Variants in SLC44A2 observed in about 807,000 individuals in gnomAD.
SLC44A2 encodes the protein solute carrier family 44 member 2 (CTL2 blood group), also known as choline transporter-like protein 2.
SLC44A2 carries 57 observed loss-of-function variants against 90.8 expected under a neutral mutation model. That is an observed-to-expected ratio of 0.63 (90% CI 0.51 to 0.78). SLC44A2 has a LOEUF of 0.78. Among genes scored for constraint, SLC44A2 ranks in the 30% least tolerant of loss-of-function variants. SLC44A2 has a pLI of 0.00. For missense variants in SLC44A2, 794 were observed against 919.7 expected (o/e 0.86, Z 1.77); for synonymous variants, 355 against 360.7 (o/e 0.98, Z 0.18).
intron 2 of SLC44A2, among the ~76,000 whole-genome samples, chr19:10,627,455 C>T (rs1052512362): frequency 2.6e-5 from 4 of 151,952 alleles, no homozygotes; most frequent in African/African-American, 7.3e-5. Context: ...GCAGGAGGAT[C>T]ACTTGAGCCC....
intron 21 of SLC44A2, chr19:10,643,046 A>G: frequency 6.7e-7 from 1 of 1,491,010 alleles, no homozygotes; most frequent in Non-Finnish European, 8.9e-7. Flanking sequence ...CGTGGGGGCC[A>G]GGTTTCCTCC....
upstream of SLC44A2, among the ~76,000 whole-genome samples, chr19:10,624,806 C>T (rs1276362485): frequency 1.3e-5 from 2 of 152,162 alleles, no homozygotes; most frequent in Non-Finnish European, 2.9e-5. Context: ...TGCGGTGCCC[C>T]GCCCAAGGCC....
At chr19:10,628,775 G>A (rs915745336) in intron 4 of SLC44A2, among the ~76,000 whole-genome samples, 1 of 152,086 alleles carries the variant, frequency 6.6e-6, no homozygotes, top group Non-Finnish European at 1.5e-5. Context: ...CCTGAGTGGC[G>A]TCACTTCCTG....
chr19:10,643,147 C>G, intron 21 of SLC44A2, 132 bp from the exon 22 acceptor site: 2 of 1,357,972 alleles, frequency 1.5e-6, no homozygotes, highest in Non-Finnish European at 1.9e-6. Flanking sequence ...CAGTCTGCCC[C>G]TCTCTGGTCC....
At chr19:10,634,209 C>T (rs1424999507) in intron 10 of SLC44A2, among the ~76,000 whole-genome samples, 4 of 135,912 alleles carry the variant, frequency 2.9e-5, no homozygotes, top group Non-Finnish European at 6.1e-5. Flanking sequence ...AGGCTGGTCT[C>T]GAACTCCTGA....
rs1483714290 is a variant in SLC44A2, at chr19:10,631,368, G to T, written c.424G>T (p.Gly142Cys). Residue 142 changes from glycine to cysteine, a missense_variant, in exon 6 of 22, where the codon GGC becomes TGC. Gly to Cys is a radical substitution (Grantham distance 159). Around this residue, in one of 3 missense-constraint regions of SLC44A2, gnomAD observed 738 missense variants for 841.1 expected, o/e 0.88. Coordinates refer to ENST00000335757, the MANE Select transcript of SLC44A2 (RefSeq NM_020428.4). ...FEYYKQFCVP[G>C]FKNNKGVAEV... is the part of the protein sequence containing the mutation. ...GTACTATAAGCAGTTCTGTGTTCCT[G>T]GCTTCAAGAACAATAAAGTGAGTTG... 6.2e-7 allele frequency: 1 copy of T among 1,614,022 alleles called. No homozygotes were observed. The highest frequency in any genetic ancestry group is 8.5e-7 in the Non-Finnish European group (1 of 1,180,046).
chr19:10,628,067 C>T (rs1599244261), intron 4 of SLC44A2, 63 bp downstream of exon 4: 1 of 1,407,698 alleles, frequency 7.1e-7, no homozygotes, highest in Non-Finnish European at 9.9e-7. Flanking sequence ...TCTAGGCATT[C>T]CCCATCTCTC....
At position 10,627,764 on chromosome 19, in the gene SLC44A2, C is replaced by T; in HGVS notation, c.129C>T (p.Ala43=). Reference sequence around the variant, plus strand: ...TATGCTGTGTGTTCCTGCTCCTGGCCATTGTGGGCTACGTGGCTGTAGGCA... The same window carrying T: ...TATGCTGTGTGTTCCTGCTCCTGGCTATTGTGGGCTACGTGGCTGTAGGCA... ...DIICCVFLLL[A]IVGYVAVGII... Residue 43 remains alanine (A), a synonymous_variant, in exon 3 of 22, where the codon GCC becomes GCT. Coordinates refer to ENST00000335757, the MANE Select transcript of SLC44A2 (RefSeq NM_020428.4). 6.2e-7 allele frequency: 1 copy of T among 1,613,958 alleles called. No homozygotes were observed. The highest frequency in any genetic ancestry group is 1.1e-5 in the South Asian group (1 of 91,080).
At chr19:10,629,261 C>CTATTATTATTATTATTATTGT (rs2066967374) in intron 4 of SLC44A2, among the ~76,000 whole-genome samples, 4 of 144,378 alleles carry the variant, frequency 2.8e-5, no homozygotes, top group African/African-American at 1.0e-4. Flanking sequence ...AGTTTTTAAA[C>CTATTATTATTATTATTATTGT]TATTATTATT....
At chr19:10,609,615 A>T (rs893390282) in intron 1 of SLC44A2, among the ~76,000 whole-genome samples, 1 of 151,922 alleles carries the variant, frequency 6.6e-6, no homozygotes, top group Non-Finnish European at 1.5e-5. Context: ...TAATTTACAT[A>T]CTAAAAAAAC....
chr19:10,625,352 A>T, upstream of SLC44A2: 1 of 718,876 alleles, frequency 1.4e-6, no homozygotes, highest in Non-Finnish European at 1.9e-6. Flanking sequence ...GGGTGTTCCC[A>T]GGGTGAAGCC....
intron 10 of SLC44A2, among the ~76,000 whole-genome samples, chr19:10,633,025 A>T (rs568414787): frequency 6.6e-6 from 1 of 152,000 alleles, no homozygotes; most frequent in Non-Finnish European, 1.5e-5. Flanking sequence ...CTAGTTGGCA[A>T]ACTAAATGAC....
At chr19:10,630,343 T>C (rs1264096263) in intron 4 of SLC44A2, among the ~76,000 whole-genome samples, 1 of 150,478 alleles carries the variant, frequency 6.6e-6, no homozygotes, top group South Asian at 2.1e-4. Context: ...AGAGAAAGAC[T>C]CTTGTCTCAA....
At chr19:10,621,652 C>G (rs1243607267), upstream of SLC44A2, among the ~76,000 whole-genome samples, 1 of 151,930 alleles carries the variant, frequency 6.6e-6, no homozygotes, top group African/African-American at 2.4e-5. Context: ...GAGTTTCACT[C>G]TTGTTGCCCA....
chr19:10,638,482 C>T (rs372246843), intron 20 of SLC44A2, among the ~76,000 whole-genome samples, 167 bp downstream of exon 20: 6 of 152,094 alleles, frequency 3.9e-5, no homozygotes, highest in Admixed American at 6.6e-5. Context: ...CTTGCCCTGT[C>T]GCCCTGACTG....
chr19:10,631,333 G>A lies in SLC44A2; in HGVS notation c.389G>A (p.Arg130Gln), dbSNP rs780939206. ...ACGTACCTGAATGCTCGCAGCTCCC[G>A]GGACTTTGAGTACTATAAGCAGTTC... is the stretch of plus-strand genomic sequence containing the variant. ...YLTYLNARSS[R>Q]DFEYYKQFCV... The change falls in exon 6 of 22, where the codon CGG (arginine) becomes CAG (glutamine). Residue 130 changes from arginine (R) to glutamine (Q), a missense_variant. Transcript: ENST00000335757. 19 of 1,614,040 alleles carry A rather than the reference G, an allele frequency of 1.2e-5. No individual in the cohort carries two copies. Among genetic ancestry groups the A allele is most frequent in the South Asian group, 7.7e-5 (7 of 91,086 alleles).
intron 1 of SLC44A2, among the ~76,000 whole-genome samples, chr19:10,609,093 G>T (rs1215247731): frequency 2.0e-5 from 3 of 151,434 alleles, no homozygotes; most frequent in Non-Finnish European, 2.9e-5. Flanking sequence ...CAGTAGCTGG[G>T]ATTACAGGCA....
Position 10,641,372 on chromosome 19 carries a change from C to A in SLC44A2, c.1930-995C>A, listed in dbSNP as rs764535629. On this transcript the variant is annotated intron_variant, in intron 20 of 21. Coordinates refer to ENST00000335757, the MANE Select transcript of SLC44A2 (RefSeq NM_020428.4). ...TGGGGCCACTGCACTCTAGCCTGAGCAACACAGTGAGACCCTGTCTCAAAA... is the reference window on the plus strand; with the variant it reads ...TGGGGCCACTGCACTCTAGCCTGAGAAACACAGTGAGACCCTGTCTCAAAA... 1.9e-4 allele frequency: 84 copies of A among 437,258 alleles called. No homozygotes were observed. The Middle Eastern group carries it at 3.2e-3, about 17-fold the overall frequency. The allele number at this position is 437,258 out of a possible 1,614,324, so 27.1% of individuals were successfully genotyped here.
chr19:10,606,665 T>A (rs1918112370), intron 1 of SLC44A2, among the ~76,000 whole-genome samples: 1 of 151,158 alleles, frequency 6.6e-6, no homozygotes, highest in Non-Finnish European at 1.5e-5. Flanking sequence ...ACAAAAATGT[T>A]CTTGGAATAG....
Sources: gnomAD v4.1 joint callset for allele counts (sites outside exome capture counted in the v4.1 genomes callset) on GRCh38, gnomAD v4.1.1 for gene constraint, gnomAD v4.1.1 regional missense constraint, MANE v1.5 for transcripts, NCBI Gene and HGNC (gene_info 2026-07-23, HGNC 2026-07-21) for gene names.